Variants in ARMC8 observed in about 807,000 individuals in gnomAD.
ARMC8 encodes the protein armadillo repeat containing 8.
A neutral mutation model predicts 99.3 loss-of-function variants in ARMC8; 20 were observed. The observed-to-expected ratio is 0.20, with a 90% confidence interval of 0.14 to 0.29. The LOEUF (loss-of-function observed/expected upper bound fraction) is 0.29. Ranked by LOEUF, ARMC8 falls within the 10% of genes least tolerant of loss-of-function variation. ARMC8 has a pLI of 1.00. For missense variants in ARMC8, 569 were observed against 809.5 expected, an observed-to-expected ratio of 0.70 and a Z score of 3.60; for synonymous variants, 263 against 278.3, an observed-to-expected ratio of 0.95 and a Z score of 0.55.
intron 1 of ARMC8, among the ~76,000 whole-genome samples, chr3:138,203,570 G>A (rs2044196352): frequency 6.6e-6 from 1 of 152,226 alleles, no homozygotes; most frequent in African/African-American, 2.4e-5. Flanking sequence ...TAGAGAAAAA[G>A]GGAGGGGGCA....
At chr3:138,263,466 T>TA in intron 12 of ARMC8, 1 of 447,730 alleles carries the variant, frequency 2.2e-6, no homozygotes, top group South Asian at 2.3e-5. Flanking sequence ...CTGCAGTACT[T>TA]ATACCATTTA....
intron 16 of ARMC8, among the ~76,000 whole-genome samples, chr3:138,270,811 A>C (rs2108297086): frequency 6.6e-6 from 1 of 152,302 alleles, no homozygotes; most frequent in South Asian, 2.1e-4. Context: ...TTAGAGAACC[A>C]TTTCTCCTTA....
In ARMC8 at chr3:138,281,899, C is replaced by T. The variant is rs577974668; in HGVS notation, c.1726-2532C>T. Among the ~76,000 whole-genome samples, 4 of 152,094 alleles carry T rather than the reference C, an allele frequency of 2.6e-5. No homozygotes were observed. In the East Asian group the frequency reaches 7.7e-4, roughly 29 times the overall value. ...CCCCATGAATACCTTGGTTATGAAG[C>T]CTTATTAAAATTCTTATTCATAATA... On this transcript the variant is annotated intron_variant, in intron 18 of 21. Transcript: ENST00000469044.
Position 138,270,023 on chromosome 3 carries a change from TCCC to T in ARMC8, c.1387-16_1387-14del. 1.3e-6 allele frequency: 2 copies of T among 1,578,878 alleles called. No homozygotes were observed. The highest frequency in any genetic ancestry group is 1.7e-5 in the Admixed American group (1 of 59,840). On this transcript the variant is annotated splice_polypyrimidine_tract_variant and intron_variant, in intron 15 of 21. Coordinates refer to ENST00000469044, the MANE Select transcript of ARMC8 (RefSeq NM_001363941.2). ...GACTTTAAAGCTGTGATTTTTTTTT[TCCC>T]TGTCCAATGGCAGCCAATTTTGGAA...
chr3:138,235,120 A>T lies in ARMC8; in HGVS notation c.609+6A>T. The T allele has an allele frequency of 6.2e-7, 1 of 1,607,626 alleles. No individual in the cohort carries two copies. Among genetic ancestry groups the T allele is most frequent in the Non-Finnish European group, 8.5e-7 (1 of 1,174,798 alleles). On this transcript the variant is annotated splice_donor_region_variant and intron_variant, in intron 7 of 21. Coordinates refer to ENST00000469044, the MANE Select transcript of ARMC8 (RefSeq NM_001363941.2). ...TAACCTCACTGTCCTACAAAGTAAG[A>T]TGTTAAAAATTGTGGCCAGATTTGT...
intron 3 of ARMC8, 134 bp downstream of exon 3, chr3:138,222,131 T>C: frequency 3.0e-6 from 2 of 659,228 alleles, no homozygotes; most frequent in South Asian, 4.5e-5. Context: ...TAAAAATAAA[T>C]GTAAGTATTT....
intron 21 of ARMC8, among the ~76,000 whole-genome samples, 199 bp from the exon 22 acceptor site, chr3:138,295,660 G>T (rs2051417215): frequency 6.6e-6 from 1 of 152,230 alleles, no homozygotes; most frequent in African/African-American, 2.4e-5. Flanking sequence ...ACAGGAAGAA[G>T]AATATAGCCA....
At chr3:138,217,511 G>A (rs1016251459) in intron 2 of ARMC8, among the ~76,000 whole-genome samples, 2 of 151,544 alleles carry the variant, frequency 1.3e-5, no homozygotes, top group Non-Finnish European at 2.9e-5. Flanking sequence ...GCTGTGGTAG[G>A]CACTGTACAT....
rs1377991353 is a variant in ARMC8 at position 138,237,368 on chromosome 3, G to A, written c.669G>A (p.Ser223=). ...TAGCTTTTGAAAACCCCCAGGTATCGATGACCCTGGTAAATGGTAGGCTGG... is the reference window on the plus strand; with the variant it reads ...TAGCTTTTGAAAACCCCCAGGTATCAATGACCCTGGTAAATGGTAGGCTGG... ...SVLAFENPQV[S]MTLVNVLVDG... Residue 223 remains serine (S), a synonymous_variant, in exon 8 of 22, where the codon TCG becomes TCA. Transcript: ENST00000469044. 10 of 1,613,438 alleles carry A rather than the reference G, an allele frequency of 6.2e-6. No homozygotes were observed. Among genetic ancestry groups the A allele is most frequent in the African/African-American group, 2.7e-5 (2 of 74,890 alleles).
chr3:138,197,155 G>A (rs181881016), intron 1 of ARMC8, among the ~76,000 whole-genome samples: 5 of 152,270 alleles, frequency 3.3e-5, no homozygotes, highest in South Asian at 2.1e-4. Context: ...AGACAGATTC[G>A]AAGTGGCCTG....
intron 18 of ARMC8, among the ~76,000 whole-genome samples, chr3:138,276,222 A>G (rs184472892): frequency 3.3e-4 from 51 of 152,350 alleles, no homozygotes; most frequent in African/African-American, 1.2e-3. Flanking sequence ...CACTAGCTAG[A>G]AGTTTAATGC....
chr3:138,249,878 T>C (rs1486367628), intron 12 of ARMC8, among the ~76,000 whole-genome samples: 2 of 152,204 alleles, frequency 1.3e-5, no homozygotes, highest in Admixed American at 1.3e-4. Context: ...GAGAAGTATT[T>C]AGAACCCATT....
At chr3:138,193,416 G>A (rs933582522) in intron 1 of ARMC8, among the ~76,000 whole-genome samples, 10 of 151,938 alleles carry the variant, frequency 6.6e-5, no homozygotes, top group Non-Finnish European at 1.2e-4. Context: ...GTGTGCCACC[G>A]CGCCCAGCTA....
At chr3:138,213,935 C>T (rs1013687526) in intron 2 of ARMC8, among the ~76,000 whole-genome samples, 3 of 151,962 alleles carry the variant, frequency 2.0e-5, no homozygotes, top group South Asian at 2.1e-4. Context: ...CCAAGGCGGG[C>T]GGATCCCTTG....
At chr3:138,277,641 T>C (rs2049432015) in intron 18 of ARMC8, among the ~76,000 whole-genome samples, 1 of 152,224 alleles carries the variant, frequency 6.6e-6, no homozygotes, top group Admixed American at 6.5e-5. Flanking sequence ...GCTAAAAATT[T>C]TTTTAAAACA....
At chr3:138,194,341 CTTTT>C (rs34445278) in intron 1 of ARMC8, among the ~76,000 whole-genome samples, 4 of 126,596 alleles carry the variant, frequency 3.2e-5, no homozygotes, top group Non-Finnish European at 6.7e-5. Flanking sequence ...CTGCGCCCAG[CTTTT>C]TTTTTTTTTT....
intron 2 of ARMC8, among the ~76,000 whole-genome samples, chr3:138,213,932 G>T (rs541262243): frequency 3.3e-5 from 5 of 152,098 alleles, no homozygotes; most frequent in Non-Finnish European, 7.4e-5. Flanking sequence ...AGACCAAGGC[G>T]GGCGGATCCC....
intron 21 of ARMC8, among the ~76,000 whole-genome samples, chr3:138,295,098 C>T (rs180829354): frequency 1.5e-3 from 235 of 152,116 alleles, no homozygotes; most frequent in African/African-American, 5.0e-3. Flanking sequence ...AGGGTTTCAC[C>T]GTGTTGGCCA....
intron 11 of ARMC8, among the ~76,000 whole-genome samples, chr3:138,242,569 C>G (rs1177555083): frequency 2.6e-5 from 4 of 152,154 alleles, no homozygotes; most frequent in African/African-American, 9.7e-5. Flanking sequence ...TGACTTGTTG[C>G]ATCTCAGCCT....
Sources: allele counts gnomAD v4.1 joint callset (sites outside exome capture counted in the v4.1 genomes callset), GRCh38; gene constraint gnomAD v4.1.1; transcripts MANE v1.5; gene names NCBI Gene and HGNC (gene_info 2026-07-23, HGNC 2026-07-21).